The following FRY variants were observed in gnomAD, a reference collection of about 807,000 sequenced individuals.
FRY encodes protein furry homolog.
A neutral mutation model predicts 348.4 loss-of-function variants in FRY; 128 were observed. The ratio of observed to expected loss-of-function variants is 0.37; its 90% CI spans 0.32 to 0.43. The LOEUF (loss-of-function observed/expected upper bound fraction) is 0.43. FRY is among the 20% of genes least tolerant of loss of function. FRY has a pLI of 1.00. For synonymous variants in FRY, 1,370 were observed against 1,374.7 expected, an observed-to-expected ratio of 1.00 and a Z score of 0.08; for missense variants, 2,736 against 3,695.2, an observed-to-expected ratio of 0.74 and a Z score of 6.73.
intron 6 of FRY, 35 bp from the exon 7 acceptor site, chr13:32,124,760 G>A (rs960506089): frequency 5.8e-6 from 9 of 1,553,884 alleles, no homozygotes; most frequent in South Asian, 2.2e-5. Flanking sequence ...CCGATGACCA[G>A]GGATCCCTAA....
At chr13:32,079,770 T>A (rs1326681987) in intron 2 of FRY, among the ~76,000 whole-genome samples, 1 of 152,186 alleles carries the variant, frequency 6.6e-6, no homozygotes, top group Non-Finnish European at 1.5e-5. Context: ...TCAGATTACT[T>A]GTTTTCTAAC....
intron 31 of FRY, among the ~76,000 whole-genome samples, chr13:32,205,787 G>A (rs916121560): frequency 6.6e-6 from 1 of 151,996 alleles, no homozygotes; most frequent in African/African-American, 2.4e-5. Context: ...GTTGCAGTGT[G>A]GAGGGTGGAT....
At position 32,275,010 on chromosome 13, in the gene FRY, C is replaced by T. The variant is rs1040811690; in HGVS notation, c.8286+19C>T. ...CGAGACTGTGAGTATCCCAGTCCTG[C>T]TCTGACAGTGAAGGGCCTACGCAAC... On this transcript the variant is annotated intron_variant, in intron 56 of 60. Coordinates refer to ENST00000542859, the MANE Select transcript of FRY (RefSeq NM_023037.3). The T allele has an allele frequency of 6.2e-7, 1 of 1,607,866 alleles. No homozygotes were observed. The highest frequency in any genetic ancestry group is 8.5e-7 in the Non-Finnish European group (1 of 1,174,572).
chr13:32,228,373 C>A (rs1885713114), intron 39 of FRY, 83 bp from the exon 40 acceptor site: 1 of 999,148 alleles, frequency 1.0e-6, no homozygotes, highest in African/African-American at 1.6e-5. Flanking sequence ...CCACACTTCC[C>A]TGCCCTCCTC....
intron 19 of FRY, 127 bp from the exon 20 acceptor site, chr13:32,175,419 C>G: frequency 1.4e-6 from 1 of 726,146 alleles, no homozygotes; most frequent in Non-Finnish European, 2.5e-6. Flanking sequence ...TGGGCACTCA[C>G]TTTTCTGTGA....
At chr13:32,290,349 C>T (rs374761585) in intron 59 of FRY, among the ~76,000 whole-genome samples, 7 of 152,166 alleles carry the variant, frequency 4.6e-5, no homozygotes, top group East Asian at 1.9e-4. Context: ...AGAGGACTAA[C>T]GGCTCATTTG....
In FRY at chr13:32,192,005, T is replaced by G. The variant is rs1300800044; in HGVS notation, c.3592-2138T>G. The stretch of plus-strand genomic sequence containing the variant: ...TATAGACCTCAAAAACTGCCCATAC[T>G]AACAAGTAGTGCTAGAAGTCAAGAT... On this transcript the variant is annotated intron_variant, in intron 28 of 60. Transcript: ENST00000542859. 5.3e-5 allele frequency among the ~76,000 whole-genome samples: 8 copies of G among 152,256 alleles called. No homozygotes were observed. The South Asian group carries it at 8.3e-4, about 16-fold the overall frequency.
rs1279551173 is a variant in FRY, at chr13:32,265,443, C to T, written c.7780-7C>T. The T allele has an allele frequency of 6.2e-7, 1 of 1,613,888 alleles. No homozygotes were observed. The highest frequency in any genetic ancestry group is 2.2e-5 in the East Asian group (1 of 44,880). ...TGGGGGATTCTTTTGTCTTTTTATT[C>T]TTCCAGGCTGAAGCTGTTCGTGAGG... On this transcript the variant is annotated splice_polypyrimidine_tract_variant and splice_region_variant and intron_variant, in intron 53 of 60. Coordinates refer to ENST00000542859, the MANE Select transcript of FRY (RefSeq NM_023037.3).
At chr13:32,257,174 A>G (rs1593809884) in intron 51 of FRY, among the ~76,000 whole-genome samples, 1 of 152,162 alleles carries the variant, frequency 6.6e-6, no homozygotes, top group Admixed American at 6.5e-5. Context: ...GGCATACTCA[A>G]CCTCTACCTG....
intron 11 of FRY, 99 bp downstream of exon 11, chr13:32,137,071 G>A (rs1879767598): frequency 2.6e-6 from 2 of 766,660 alleles, no homozygotes; most frequent in Non-Finnish European, 4.8e-6. Context: ...ATGTTTGCCA[G>A]GGGAATTGTC....
chr13:32,210,607 G>A (rs528225271), intron 33 of FRY, among the ~76,000 whole-genome samples: 39 of 152,178 alleles, frequency 2.6e-4, no homozygotes, highest in East Asian at 1.2e-3. Context: ...TAGAATTCAC[G>A]TACCTCAAAA....
intron 19 of FRY, among the ~76,000 whole-genome samples, chr13:32,173,966 T>TTGA (rs1310588411): frequency 1.3e-5 from 2 of 152,228 alleles, no homozygotes; most frequent in African/African-American, 4.8e-5. Flanking sequence ...ATGTTTAATC[T>TTGA]TGATGATGGT....
At chr13:32,270,183 A>G (rs1173021411) in intron 55 of FRY, among the ~76,000 whole-genome samples, 1 of 152,154 alleles carries the variant, frequency 6.6e-6, no homozygotes. Context: ...AGGCAAAGCA[A>G]CTTATTAGTT....
At chr13:32,271,243 C>T (rs11147484) in intron 55 of FRY, among the ~76,000 whole-genome samples, 5,935 of 152,278 alleles carry the variant, frequency 0.039, 372 homozygotes, top group African/African-American at 0.14. Flanking sequence ...GTTCAAATCC[C>T]AGTTCTGGCC....
chr13:32,129,559 G>T (rs564937872), intron 7 of FRY, among the ~76,000 whole-genome samples: 1 of 151,968 alleles, frequency 6.6e-6, no homozygotes, highest in South Asian at 2.1e-4. Flanking sequence ...GCCAGTTTGG[G>T]GTGCTGTCTT....
rs76364781 is a variant in FRY, at chr13:32,185,365, T to G, written c.3319+217T>G. On this transcript the variant is annotated intron_variant, in intron 26 of 60. Coordinates refer to ENST00000542859, the MANE Select transcript of FRY (RefSeq NM_023037.3). ...ATGATAAGTATTAAATTTGGCTTTG[T>G]GTGTGTCATTTCTATTCTTTGTTTT... 2.9e-3 allele frequency among the ~76,000 whole-genome samples: 441 copies of G among 152,354 alleles called. 2 individuals are homozygous for G. Among genetic ancestry groups the G allele is most frequent in the African/African-American group, 0.01 (429 of 41,582 alleles).
At chr13:32,274,518 C>A (rs1026915833) in intron 55 of FRY, among the ~76,000 whole-genome samples, 27 of 151,746 alleles carry the variant, frequency 1.8e-4, no homozygotes, top group South Asian at 4.2e-4. Flanking sequence ...TCCTGGCTAA[C>A]ACAGTGAAAC....
chr13:32,061,304 C>T (rs928175878), intron 1 of FRY: 19 of 410,468 alleles, frequency 4.6e-5, no homozygotes, highest in Non-Finnish European at 8.7e-5. Flanking sequence ...ACTTATAATG[C>T]CATTGTTCAG....
At chr13:32,122,002 G>A (rs190528432) in intron 4 of FRY, among the ~76,000 whole-genome samples, 99 of 152,226 alleles carry the variant, frequency 6.5e-4, no homozygotes, top group African/African-American at 2.3e-3. Context: ...CATGTGGCTA[G>A]CCAATTATCC....
Sources: gnomAD v4.1 joint callset for allele counts (sites outside exome capture counted in the v4.1 genomes callset) on GRCh38, gnomAD v4.1.1 for gene constraint, MANE v1.5 for transcripts, NCBI Gene and HGNC (gene_info 2026-07-23, HGNC 2026-07-21) for gene names.